DCAF8: variants seen among roughly 807,000 people sequenced by gnomAD.
The protein encoded by DCAF8 is DDB1- and CUL4-associated factor 8.
In DCAF8, 20 loss-of-function variants were observed where a neutral mutation model predicts 68.0. The ratio of observed to expected loss-of-function variants is 0.29; its 90% CI spans 0.21 to 0.43. The LOEUF (loss-of-function observed/expected upper bound fraction) is 0.43, where lower values mean the gene tolerates loss of function less well. Ranked by LOEUF, DCAF8 falls within the 20% of genes least tolerant of loss-of-function variation. The probability of loss-of-function intolerance (pLI) is 1.00; values close to 1 mark genes in which losing one functional copy is unlikely to be tolerated. For synonymous variants in DCAF8, 230 were observed against 276.9 expected (o/e 0.83, Z 1.68); for missense variants, 460 against 771.0 (o/e 0.60, Z 4.78).
At chr1:160,245,961 AAAC>A (rs1475009314) in intron 2 of DCAF8, among the ~76,000 whole-genome samples, 38 of 152,282 alleles carry the variant, frequency 2.5e-4, no homozygotes, top group African/African-American at 9.1e-4. Context: ...CAACATGGAG[AAAC>A]CCTGTCTCTA....
intron 2 of DCAF8, among the ~76,000 whole-genome samples, chr1:160,252,497 A>G (rs1305163967): frequency 6.6e-6 from 1 of 152,220 alleles, no homozygotes; most frequent in East Asian, 1.9e-4. Context: ...CAAGAAACAT[A>G]TATGGGTAGT....
In DCAF8 at chr1:160,225,159, C is replaced by T. The variant is rs368028669; in HGVS notation, c.1144-40G>A. Reference sequence around the variant, plus strand: ...AGATACTGACTGATGCCCCACCCCCCCATTTGTTATACCATCTTCAGGAAA... The same window carrying T: ...AGATACTGACTGATGCCCCACCCCCTCATTTGTTATACCATCTTCAGGAAA... On this transcript the variant is annotated intron_variant, in intron 8 of 13. Coordinates refer to ENST00000368074, the MANE Select transcript of DCAF8 (RefSeq NM_015726.4). The T allele has an allele frequency of 6.3e-6, 10 of 1,595,968 alleles. No individual in the cohort carries two copies. The African/African-American group carries it at 1.2e-4, about 19-fold the overall frequency.
chr1:160,222,384 T>C (rs1211408327), intron 11 of DCAF8, among the ~76,000 whole-genome samples: 1 of 152,186 alleles, frequency 6.6e-6, no homozygotes, highest in Non-Finnish European at 1.5e-5. Context: ...AGAGATAAGT[T>C]ACATCACTCA....
At chr1:160,233,816 G>T (rs1380466217) in intron 6 of DCAF8, among the ~76,000 whole-genome samples, 1 of 152,082 alleles carries the variant, frequency 6.6e-6, no homozygotes, top group African/African-American at 2.4e-5. Flanking sequence ...CCCTCCTGAT[G>T]GGTAAATGCA....
intron 11 of DCAF8, chr1:160,220,244 G>A (rs1421938579): frequency 1.3e-5 from 2 of 152,214 alleles, no homozygotes; most frequent in African/African-American, 4.8e-5. Flanking sequence ...TCCAATGCCT[G>A]GAATAGTATC....
chr1:160,233,262 C>T (rs902804408), intron 6 of DCAF8, among the ~76,000 whole-genome samples: 4 of 152,200 alleles, frequency 2.6e-5, no homozygotes, highest in African/African-American at 7.2e-5. Flanking sequence ...TAAATGAATA[C>T]AGAGGACCAG....
chr1:160,252,748 G>A (rs532169505), intron 2 of DCAF8, among the ~76,000 whole-genome samples: 74 of 152,270 alleles, frequency 4.9e-4, no homozygotes, highest in African/African-American at 1.7e-3. Context: ...ATCAACATGA[G>A]AATCGTTGTA....
intron 2 of DCAF8, among the ~76,000 whole-genome samples, chr1:160,251,596 T>C (rs1389098389): frequency 1.3e-5 from 2 of 151,954 alleles, no homozygotes; most frequent in East Asian, 1.9e-4. Context: ...CCTCAGCCCC[T>C]CCAGTAGCTG....
rs1571077100 is a variant in DCAF8 at position 160,218,943 on chromosome 1, T to A, written c.1466A>T (p.His489Leu). Residue 489 changes from histidine to leucine, a missense_variant, in exon 12 of 14, where the codon CAC (histidine) becomes CTC (leucine). Physicochemically the swap from His to Leu is moderately conservative, Grantham distance 99. This residue lies in a region of DCAF8 where 30 missense variants were observed against 69.6 expected (regional missense o/e 0.43). Transcript: ENST00000368074. Reference sequence around the variant, plus strand: ...GCCACTGGTTGCCAGCACAGGCAGGTGAGGGTGGGGCTCAAGACAGTTTAC... The same window carrying A: ...GCCACTGGTTGCCAGCACAGGCAGGAGAGGGTGGGGCTCAAGACAGTTTAC... ...GVVNCLEPHP[H>L]LPVLATSGLD... is the part of the protein sequence containing the mutation. 6.2e-7 allele frequency: 1 copy of A among 1,614,000 alleles called. No homozygotes were observed. Among genetic ancestry groups the A allele is most frequent in the Non-Finnish European group, 8.5e-7 (1 of 1,180,022 alleles).
chr1:160,240,179 T>C lies in DCAF8; in HGVS notation c.241A>G (p.Met81Val). 1 of 1,614,068 alleles carries C rather than the reference T, an allele frequency of 6.2e-7. No individual in the cohort carries two copies. The highest frequency in any genetic ancestry group is 8.5e-7 in the Non-Finnish European group (1 of 1,179,974). ...SSGEDKDSDS[M>V]EDTGHYSIND... ...ATGGAGTAATGACCAGTGTCCTCCA[T>C]GCTGTCAGAGTCCTTATCTTCACCT... The change falls in exon 4 of 14, where the codon ATG (methionine) becomes GTG (valine). Residue 81 changes from methionine (M) to valine (V), a missense_variant. Met to Val is a conservative substitution (Grantham distance 21). This residue lies in a region of DCAF8 where 156 missense variants were observed against 181.4 expected (regional missense o/e 0.86). Coordinates refer to ENST00000368074, the MANE Select transcript of DCAF8 (RefSeq NM_015726.4).
chr1:160,259,291 T>C (rs1285281087), intron 2 of DCAF8, among the ~76,000 whole-genome samples: 1 of 152,148 alleles, frequency 6.6e-6, no homozygotes, highest in African/African-American at 2.4e-5. Flanking sequence ...TCCTAGCACT[T>C]TGGGAGGCTG....
intron 7 of DCAF8, among the ~76,000 whole-genome samples, chr1:160,227,428 C>A (rs1405843452): frequency 6.6e-6 from 1 of 152,164 alleles, no homozygotes; most frequent in Admixed American, 6.5e-5. Context: ...CCATGCTGAG[C>A]TAATATTTTT....
chr1:160,262,425 C>T, intron 1 of DCAF8, 24 bp downstream of exon 1: 1 of 401,046 alleles, frequency 2.5e-6, no homozygotes, highest in Non-Finnish European at 4.4e-6. Flanking sequence ...TCCACTGCCA[C>T]CACCAACGCC....
chr1:160,222,080 G>A (rs936562922), intron 11 of DCAF8, among the ~76,000 whole-genome samples: 6 of 152,096 alleles, frequency 3.9e-5, no homozygotes, highest in African/African-American at 7.2e-5. Context: ...TTGAATGTAC[G>A]CATGACATTT....
Position 160,231,398 on chromosome 1 carries a change from C to T in DCAF8, c.969G>A (p.Val323=), listed in dbSNP as rs1373102231. 6.2e-6 allele frequency: 10 copies of T among 1,613,426 alleles called. No homozygotes were observed. The Admixed American group carries it at 1.5e-4, about 24-fold the overall frequency. The change falls in exon 7 of 14, where the codon GTG becomes GTA. Residue 323 remains valine (V), a synonymous_variant. Coordinates refer to ENST00000368074, the MANE Select transcript of DCAF8 (RefSeq NM_015726.4). ...LRQDRPASKL[V]VTKEKEKKVG... ...CTTTCTTCTCTTTCTCTTTTGTCAC[C>T]ACCAGTTTCCTTTAAGAGTAGAAAA... is the stretch of plus-strand genomic sequence containing the variant.
chr1:160,250,344 T>G (rs1240732097), intron 2 of DCAF8, among the ~76,000 whole-genome samples: 1 of 150,924 alleles, frequency 6.6e-6, no homozygotes, highest in African/African-American at 2.4e-5. Context: ...TGCATGCCTG[T>G]AATCCCAGCT....
Position 160,257,467 on chromosome 1 carries a change from C to G in DCAF8, c.-27+3818G>C, listed in dbSNP as rs987713922. ...TATCTACTGAAAGCATTTTAATAGT[C>G]ACTTTATGATTTTAAAAGCCTATTA... On this transcript the variant is annotated intron_variant, in intron 2 of 13. Coordinates refer to ENST00000368074, the MANE Select transcript of DCAF8 (RefSeq NM_015726.4). Among the ~76,000 whole-genome samples, 4 of 152,074 alleles carry G rather than the reference C, an allele frequency of 2.6e-5. No individual in the cohort carries two copies. In the South Asian group the frequency reaches 6.2e-4, roughly 24 times the overall value.
chr1:160,236,418 A>G (rs1484005237), intron 6 of DCAF8, among the ~76,000 whole-genome samples: 1 of 151,536 alleles, frequency 6.6e-6, no homozygotes, highest in Non-Finnish European at 1.5e-5. Flanking sequence ...GTGTGTGTAT[A>G]TATGTGTGTG....
intron 2 of DCAF8, among the ~76,000 whole-genome samples, chr1:160,249,762 T>C (rs545302190): frequency 6.6e-5 from 10 of 152,350 alleles, no homozygotes; most frequent in East Asian, 1.9e-4. Flanking sequence ...AGCTGGGTCA[T>C]AGATAAACAA....
Sources: gnomAD v4.1 joint callset for allele counts (sites outside exome capture counted in the v4.1 genomes callset) on GRCh38, gnomAD v4.1.1 for gene constraint, gnomAD v4.1.1 regional missense constraint, MANE v1.5 for transcripts, NCBI Gene and HGNC (gene_info 2026-07-23, HGNC 2026-07-21) for gene names.